Variants in CRIM1 observed in about 807,000 individuals in gnomAD.
The protein encoded by CRIM1 is cysteine rich transmembrane BMP regulator 1.
In CRIM1, 32 loss-of-function variants were observed where a neutral mutation model predicts 116.4. That is an observed-to-expected ratio of 0.27 (90% CI 0.21 to 0.37). The LOEUF (loss-of-function observed/expected upper bound fraction) is 0.37, where lower values mean the gene tolerates loss of function less well. Among genes scored for constraint, CRIM1 ranks in the 10% least tolerant of loss-of-function variants. The pLI is 1.00. For missense variants in CRIM1, 1,331 were observed against 1,354.8 expected (o/e 0.98, Z 0.28); for synonymous variants, 590 against 509.2 (o/e 1.16, Z -2.13).
chr2:36,484,198 G>A (rs1167402080), intron 7 of CRIM1, among the ~76,000 whole-genome samples: 5 of 152,216 alleles, frequency 3.3e-5, no homozygotes, highest in South Asian at 2.1e-4. Context: ...GACCCTCTAA[G>A]GCTAATGCTT....
At chr2:36,456,912 G>T (rs1423593690) in intron 4 of CRIM1, among the ~76,000 whole-genome samples, 5 of 151,464 alleles carry the variant, frequency 3.3e-5, no homozygotes, top group Non-Finnish European at 7.4e-5. Context: ...CCTACTTTCT[G>T]TGGGGCAGAG....
chr2:36,358,816 G>T (rs1204003024), intron 1 of CRIM1, among the ~76,000 whole-genome samples: 1 of 151,850 alleles, frequency 6.6e-6, no homozygotes, highest in African/African-American at 2.4e-5. Context: ...TTCTAAATCT[G>T]TGAAACCAAA....
intron 6 of CRIM1, among the ~76,000 whole-genome samples, chr2:36,477,835 CAGAAG>C (rs1295123548): frequency 1.3e-5 from 2 of 152,196 alleles, no homozygotes; most frequent in Admixed American, 6.5e-5. Context: ...TGTTGAAGTT[CAGAAG>C]AGAAAAGTCA....
intron 2 of CRIM1, among the ~76,000 whole-genome samples, chr2:36,420,605 G>A (rs1003863796): frequency 1.3e-5 from 2 of 152,224 alleles, no homozygotes; most frequent in African/African-American, 4.8e-5. Context: ...TAGCACCTGT[G>A]CATGCCAGTG....
chr2:36,437,435 A>G (rs1023781325), intron 2 of CRIM1, among the ~76,000 whole-genome samples: 1 of 152,004 alleles, frequency 6.6e-6, no homozygotes, highest in Non-Finnish European at 1.5e-5. Flanking sequence ...ACATAAAAAG[A>G]GAGAGAACTA....
At position 36,440,615 on chromosome 2, in the gene CRIM1, CAG is replaced by C. The variant is rs1416058397; in HGVS notation, c.506-640_506-639del. Among the ~76,000 whole-genome samples the C allele has an allele frequency of 3.9e-5, 6 of 152,286 alleles. No individual in the cohort carries two copies. The South Asian group carries it at 8.3e-4, about 21-fold the overall frequency. ...CAATGGGTCGGCAGATAATATTAGA[CAG>C]AGGGGAATAAGGTGCATTTGATGGA... On this transcript the variant is annotated intron_variant, in intron 2 of 16. Coordinates refer to ENST00000280527, the MANE Select transcript of CRIM1 (RefSeq NM_016441.3).
At chr2:36,457,862 C>A (rs1277003666) in intron 4 of CRIM1, among the ~76,000 whole-genome samples, 3 of 152,076 alleles carry the variant, frequency 2.0e-5, no homozygotes, top group African/African-American at 7.2e-5. Flanking sequence ...TATAGAATAG[C>A]ACTGTGTTTT....
intron 13 of CRIM1, among the ~76,000 whole-genome samples, chr2:36,536,847 A>C (rs776648661): frequency 4.6e-5 from 7 of 152,184 alleles, no homozygotes; most frequent in Non-Finnish European, 8.8e-5. Flanking sequence ...TTTAAAGTAG[A>C]AATGTCCTTG....
chr2:36,478,055 G>A (rs1679122254), intron 6 of CRIM1, among the ~76,000 whole-genome samples: 1 of 152,088 alleles, frequency 6.6e-6, no homozygotes, highest in Non-Finnish European at 1.5e-5. Flanking sequence ...AAGTGGGAGG[G>A]CACAGTGTCA....
intron 2 of CRIM1, among the ~76,000 whole-genome samples, chr2:36,436,032 G>A (rs900981598): frequency 2.0e-5 from 3 of 151,574 alleles, no homozygotes; most frequent in African/African-American, 7.3e-5. Flanking sequence ...AAAGAGTTAG[G>A]AGAGACTTCA....
At chr2:36,490,856 A>C (rs1423373445) in intron 7 of CRIM1, among the ~76,000 whole-genome samples, 1 of 152,152 alleles carries the variant, frequency 6.6e-6, no homozygotes, top group African/African-American at 2.4e-5. Flanking sequence ...TTAAGTCCCC[A>C]CTGAGTAACT....
At chr2:36,466,309 C>T (rs1413696762) in intron 5 of CRIM1, among the ~76,000 whole-genome samples, 1 of 151,970 alleles carries the variant, frequency 6.6e-6, no homozygotes, top group Non-Finnish European at 1.5e-5. Flanking sequence ...TACAAGCATA[C>T]AGGAAAGGGG....
At chr2:36,466,187 A>G (rs934739931) in intron 5 of CRIM1, among the ~76,000 whole-genome samples, 5 of 152,080 alleles carry the variant, frequency 3.3e-5, no homozygotes, top group African/African-American at 1.2e-4. Flanking sequence ...CTTCCGGCCA[A>G]TAATCTTCTG....
chr2:36,515,592 C>T (rs867527721), intron 11 of CRIM1, among the ~76,000 whole-genome samples: 1 of 152,172 alleles, frequency 6.6e-6, no homozygotes, highest in Non-Finnish European at 1.5e-5. Flanking sequence ...ATGAGTATCT[C>T]CCGAACTCTT....
chr2:36,391,797 CA>C (rs5830425), intron 1 of CRIM1, among the ~76,000 whole-genome samples: 24,213 of 120,660 alleles, frequency 0.2, 2,277 homozygotes, highest in East Asian at 0.52. Context: ...ACTAATGGTG[CA>C]AAAAAAAAAA....
rs752394995 is a variant in CRIM1 at position 36,522,273 on chromosome 2, A to G, written c.2388A>G (p.Arg796=). Residue 796 remains arginine (R), a synonymous_variant, in exon 13 of 17, where the codon AGA becomes AGG. Coordinates refer to ENST00000280527, the MANE Select transcript of CRIM1 (RefSeq NM_016441.3). ...SESCPSVSCE[R]PVLRKGQCCP... ...CCTGCCCTTCTGTATCCTGTGAAAG[A>G]CCTGTCTTGAGAAAAGGCCAGTGTT... is the stretch of plus-strand genomic sequence containing the variant. 1 of 1,614,172 alleles carries G rather than the reference A, an allele frequency of 6.2e-7. No individual in the cohort carries two copies. Among genetic ancestry groups the G allele is most frequent in the South Asian group, 1.1e-5 (1 of 91,078 alleles).
intron 7 of CRIM1, among the ~76,000 whole-genome samples, chr2:36,480,281 G>T (rs1466533195): frequency 6.6e-6 from 1 of 152,198 alleles, no homozygotes; most frequent in Non-Finnish European, 1.5e-5. Context: ...TCCTGGACTA[G>T]TTTTTCTGTC....
chr2:36,423,142 C>T (rs1185817130), intron 2 of CRIM1, among the ~76,000 whole-genome samples: 1 of 152,000 alleles, frequency 6.6e-6, no homozygotes, highest in Non-Finnish European at 1.5e-5. Flanking sequence ...TTTAATGTAC[C>T]ATAGCCCTTT....
intron 1 of CRIM1, among the ~76,000 whole-genome samples, chr2:36,390,039 AG>A (rs913024071): frequency 2.6e-5 from 4 of 152,148 alleles, no homozygotes; most frequent in Admixed American, 2.6e-4. Flanking sequence ...CTCTCCAACT[AG>A]CCTTTGCATT....
Sources: gnomAD v4.1 joint callset for allele counts (sites outside exome capture counted in the v4.1 genomes callset) on GRCh38, gnomAD v4.1.1 for gene constraint, MANE v1.5 for transcripts, NCBI Gene and HGNC (gene_info 2026-07-23, HGNC 2026-07-21) for gene names.